MCM9: variants seen among roughly 807,000 people sequenced by gnomAD.
MCM9 encodes DNA helicase MCM9.
A neutral mutation model predicts 72.8 loss-of-function variants in MCM9; 55 were observed. That is an observed-to-expected ratio of 0.76 (90% CI 0.61 to 0.95). The LOEUF is 0.95. Among genes scored for constraint, MCM9 ranks in the 40% least tolerant of loss-of-function variants. The pLI is 0.00. For missense variants in MCM9, 1,279 were observed against 1,377.0 expected (o/e 0.93, Z 1.13); for synonymous variants, 480 against 503.4 (o/e 0.95, Z 0.62).
At chr6:118,895,630 T>C (rs1360396549) in intron 8 of MCM9, among the ~76,000 whole-genome samples, 2 of 152,154 alleles carry the variant, frequency 1.3e-5, no homozygotes, top group African/African-American at 4.8e-5. Context: ...AAAATACGTA[T>C]TTTTAATATC....
chr6:118,822,720 C>T (rs1417998093), intron 13 of MCM9, among the ~76,000 whole-genome samples: 5 of 152,302 alleles, frequency 3.3e-5, no homozygotes, highest in African/African-American at 1.2e-4. Context: ...TGAAGCAACA[C>T]CCACAGCTTC....
At position 118,895,513 on chromosome 6, in the gene MCM9, A is replaced by G. The variant is rs1779332259; in HGVS notation, c.1150+16137T>C. Among the ~76,000 whole-genome samples, 3 of 152,158 alleles carry G rather than the reference A, an allele frequency of 2.0e-5. No homozygotes were observed. In the South Asian group the frequency reaches 6.2e-4, roughly 32 times the overall value. On this transcript the variant is annotated intron_variant, in intron 8 of 13. Coordinates refer to ENST00000619706, the MANE Select transcript of MCM9 (RefSeq NM_017696.3). ...AAATAACTCCACATCCAAATACAGA[A>G]CACACCCTAAACATAAAACACAAAC...
intron 9 of MCM9, among the ~76,000 whole-genome samples, chr6:118,842,480 T>C (rs1055288904): frequency 3.9e-5 from 6 of 152,216 alleles, no homozygotes; most frequent in African/African-American, 1.4e-4. Context: ...GCACAGGCAC[T>C]GATTTGCACA....
intron 5 of MCM9, chr6:118,919,058 C>G (rs1363889323): frequency 6.6e-6 from 1 of 152,194 alleles, no homozygotes; most frequent in Non-Finnish European, 1.5e-5. Context: ...ACTATATTGT[C>G]TGACCCCAAA....
At chr6:118,881,983 A>G (rs539488346) in intron 8 of MCM9, among the ~76,000 whole-genome samples, 4 of 152,272 alleles carry the variant, frequency 2.6e-5, no homozygotes, top group South Asian at 4.1e-4. Context: ...TCGTACCAGG[A>G]GGGGTAGAAA....
chr6:118,889,117 T>G (rs995096988), intron 8 of MCM9, among the ~76,000 whole-genome samples: 2 of 152,222 alleles, frequency 1.3e-5, no homozygotes, highest in Non-Finnish European at 2.9e-5. Context: ...AAAATATTAC[T>G]GTGTAATCAT....
intron 9 of MCM9, 85 bp downstream of exon 9, chr6:118,856,286 C>T (rs1433123335): frequency 1.5e-6 from 2 of 1,359,872 alleles, no homozygotes; most frequent in Admixed American, 4.9e-5. Context: ...CCAAACATAC[C>T]TTATAGCTCA....
chr6:118,837,956 G>A (rs527382049), intron 9 of MCM9, among the ~76,000 whole-genome samples: 15 of 152,184 alleles, frequency 9.9e-5, no homozygotes, highest in African/African-American at 2.4e-4. Context: ...TCATAGCATC[G>A]ATGGTCTTTA....
Position 118,815,854 on chromosome 6 carries a change from G to A in MCM9, c.2402C>T (p.Pro801Leu), listed in dbSNP as rs1400925158. The change falls in exon 14 of 14, where the codon CCA becomes CTA. Residue 801 changes from proline to leucine, a missense_variant. Transcript: ENST00000619706. Reference protein sequence around the residue: ...QRSKVDIGLLPSPGETGVPWR... With the variant: ...QRSKVDIGLLLSPGETGVPWR... Reference sequence around the variant, plus strand: ...TGGAACACCTGTCTCTCCTGGTGATGGAAGCAACCCAATGTCCACTTTGCT... The same window carrying A: ...TGGAACACCTGTCTCTCCTGGTGATAGAAGCAACCCAATGTCCACTTTGCT... 1.3e-6 allele frequency: 2 copies of A among 1,540,366 alleles called. No individual in the cohort carries two copies. The highest frequency in any genetic ancestry group is 1.7e-6 in the Non-Finnish European group (2 of 1,147,008).
In MCM9 at chr6:118,911,765, T is replaced by G; in HGVS notation, c.1035A>C (p.Glu345Asp). 1.2e-6 allele frequency: 2 copies of G among 1,609,922 alleles called. No homozygotes were observed. The highest frequency in any genetic ancestry group is 2.7e-5 in the African/African-American group (2 of 74,820). Residue 345 changes from glutamate to aspartate, a missense_variant, in exon 8 of 14, where the codon GAA (glutamate) becomes GAC (aspartate). Glu to Asp is a conservative substitution (Grantham distance 45, BLOSUM62 2). Coordinates refer to ENST00000619706, the MANE Select transcript of MCM9 (RefSeq NM_017696.3). The stretch of plus-strand genomic sequence containing the variant: ...GATCCCCAACCAATAAAAGATGAGA[T>G]TCTCCTAGGAAAAAGCAAATACATG... ...TDATGTRVRG[E>D]SHLLLVGDPG...
rs752271269 is a variant in MCM9 at position 118,826,107 on chromosome 6, G to C, written c.1961+40C>G. On this transcript the variant is annotated intron_variant, in intron 13 of 13. Transcript: ENST00000619706. ...TTTGTTTCACTAAATGCCAAACAAG[G>C]ATTTTCCATTGTATGCCTTTCTGGG... The C allele has an allele frequency of 1.3e-5, 20 of 1,528,610 alleles. No homozygotes were observed. The South Asian group carries it at 2.1e-4, about 16-fold the overall frequency. 94.7% of individuals were successfully genotyped at this position (1,528,610 alleles called of 1,614,324 possible).
At chr6:118,836,225 T>C (rs1443843671) in intron 9 of MCM9, among the ~76,000 whole-genome samples, 1 of 152,232 alleles carries the variant, frequency 6.6e-6, no homozygotes, top group East Asian at 1.9e-4. Flanking sequence ...ACAGGCTTTT[T>C]GATGTGCTTC....
chr6:118,900,744 T>C (rs1779751772), intron 8 of MCM9: 2 of 1,478,154 alleles, frequency 1.4e-6, no homozygotes, highest in East Asian at 2.3e-5. Flanking sequence ...TATGAAATAA[T>C]GCTTTGGTTT....
intron 9 of MCM9, among the ~76,000 whole-genome samples, chr6:118,847,197 C>T (rs1452107230): frequency 3.3e-5 from 5 of 151,664 alleles, no homozygotes; most frequent in East Asian, 1.9e-4. Context: ...AACAGAGAAT[C>T]GAACACTGCA....
chr6:118,925,332 AT>A (rs1781802429), intron 3 of MCM9, among the ~76,000 whole-genome samples: 1 of 152,172 alleles, frequency 6.6e-6, no homozygotes, highest in African/African-American at 2.4e-5. Flanking sequence ...CATCCATCAG[AT>A]TGTCCAGCCC....
At chr6:118,907,228 C>T (rs962194495) in intron 8 of MCM9, among the ~76,000 whole-genome samples, 4 of 152,110 alleles carry the variant, frequency 2.6e-5, no homozygotes, top group African/African-American at 9.7e-5. Flanking sequence ...TGCTACAGCC[C>T]TAGTCGTTAC....
chr6:118,905,834 GTTCT>G, intron 8 of MCM9: 1 of 1,575,318 alleles, frequency 6.3e-7, no homozygotes, highest in Non-Finnish European at 8.6e-7. Context: ...CTAAGGTAAT[GTTCT>G]TACTATTCCT....
intron 8 of MCM9, among the ~76,000 whole-genome samples, chr6:118,910,354 ACTATT>A (rs1780456891): frequency 6.6e-6 from 1 of 152,196 alleles, no homozygotes; most frequent in Non-Finnish European, 1.5e-5. Context: ...AGTAGCAATA[ACTATT>A]CTATAACCGT....
At chr6:118,910,987 A>G in intron 8 of MCM9, 2 of 985,438 alleles carry the variant, frequency 2.0e-6, no homozygotes, top group Non-Finnish European at 2.4e-6. Context: ...TGTTTTCAGA[A>G]GAACAGAAAC....
Sources: gnomAD v4.1 joint callset for allele counts (sites outside exome capture counted in the v4.1 genomes callset) on GRCh38, gnomAD v4.1.1 for gene constraint, MANE v1.5 for transcripts, NCBI Gene and HGNC (gene_info 2026-07-23, HGNC 2026-07-21) for gene names.